Variants in CCDC178 observed in about 807,000 individuals in gnomAD.
CCDC178 encodes coiled-coil domain containing 178.
CCDC178 carries 126 observed loss-of-function variants against 117.4 expected under a neutral mutation model. That is an observed-to-expected ratio of 1.07 (90% CI 0.93 to 1.24). The LOEUF is 1.24. Among genes scored for constraint, CCDC178 ranks in the 50% most tolerant of loss-of-function variants. CCDC178 has a pLI of 0.00. For synonymous variants in CCDC178, 283 were observed against 313.4 expected (o/e 0.90, Z 1.02); for missense variants, 1,030 against 986.9 (o/e 1.04, Z -0.59).
chr18:33,056,097 T>G (rs2056826170), intron 21 of CCDC178, among the ~76,000 whole-genome samples: 1 of 152,176 alleles, frequency 6.6e-6, no homozygotes, highest in Non-Finnish European at 1.5e-5. Flanking sequence ...CCACTGCACC[T>G]GGCCTCAATG....
chr18:33,083,238 G>A (rs2057324726), intron 21 of CCDC178, among the ~76,000 whole-genome samples: 1 of 152,128 alleles, frequency 6.6e-6, no homozygotes, highest in Non-Finnish European at 1.5e-5. Context: ...AAGCAAAAGG[G>A]CAGGATTCAA....
chr18:33,034,711 G>A (rs2056409765), intron 21 of CCDC178, among the ~76,000 whole-genome samples: 1 of 151,938 alleles, frequency 6.6e-6, no homozygotes, highest in Non-Finnish European at 1.5e-5. Flanking sequence ...AATTGTTGCA[G>A]TATGTTTCCA....
chr18:33,215,683 C>T lies in CCDC178; in HGVS notation c.1945G>A (p.Ala649Thr). Residue 649 changes from alanine (A) to threonine (T), a missense_variant, in exon 19 of 23, where the codon GCA becomes ACA. Coordinates refer to ENST00000383096, the MANE Select transcript of CCDC178 (RefSeq NM_001105528.4). ...GTTGCTTCTAGGTCTTTAAAAATTG[C>T]TGAGCGTTTACTCTGAAAAAAAATA... ...ALIETESKRS[A>T]IFKDLEATKS... 6.6e-7 allele frequency: 1 copy of T among 1,523,942 alleles called. No homozygotes were observed. Among genetic ancestry groups the T allele is most frequent in the African/African-American group, 1.5e-5 (1 of 68,928 alleles). The allele number at this position is 1,523,942 out of a possible 1,614,324, so 94.4% of individuals were successfully genotyped here.
chr18:33,107,878 T>C (rs1027725114), intron 20 of CCDC178, among the ~76,000 whole-genome samples: 2 of 151,734 alleles, frequency 1.3e-5, no homozygotes, highest in African/African-American at 2.4e-5. Context: ...TGTGCATGTA[T>C]GGAAAAATGT....
At chr18:32,949,208 A>C (rs1267878967) in intron 22 of CCDC178, among the ~76,000 whole-genome samples, 1 of 152,134 alleles carries the variant, frequency 6.6e-6, no homozygotes, top group Non-Finnish European at 1.5e-5. Context: ...TAATTTCATT[A>C]CGATATGCCT....
chr18:33,134,066 T>A (rs184744968), intron 20 of CCDC178, among the ~76,000 whole-genome samples: 2 of 151,822 alleles, frequency 1.3e-5, no homozygotes, highest in East Asian at 3.9e-4. Flanking sequence ...AAGAAAAAAA[T>A]TTAAAGAACA....
intron 20 of CCDC178, among the ~76,000 whole-genome samples, chr18:33,179,148 A>ATATATATAAAC (rs2058704822): frequency 2.0e-5 from 2 of 98,018 alleles, no homozygotes; most frequent in African/African-American, 1.2e-4. Flanking sequence ...TATATAAACT[A>ATATATATAAAC]TATATATATA....
At chr18:33,222,229 T>C (rs968802060) in intron 18 of CCDC178, among the ~76,000 whole-genome samples, 1 of 150,842 alleles carries the variant, frequency 6.6e-6, no homozygotes, top group Non-Finnish European at 1.5e-5. Context: ...CCTCCCTTCC[T>C]TTCTTCCTTC....
intron 2 of CCDC178, among the ~76,000 whole-genome samples, chr18:33,432,072 C>G (rs2064226935): frequency 1.3e-5 from 2 of 152,160 alleles, no homozygotes; most frequent in African/African-American, 4.8e-5. Context: ...CTGCACTCAG[C>G]TTCTTATGGG....
intron 16 of CCDC178, 113 bp downstream of exon 16, chr18:33,226,680 T>C: frequency 1.6e-6 from 1 of 620,740 alleles, no homozygotes; most frequent in Non-Finnish European, 2.8e-6. Context: ...GAGAGAAAAC[T>C]GCTGGCTTGC....
intron 11 of CCDC178, among the ~76,000 whole-genome samples, chr18:33,322,786 GA>G (rs1297146164): frequency 1.3e-5 from 2 of 151,264 alleles, no homozygotes; most frequent in African/African-American, 4.8e-5. Context: ...AACACCTTAA[GA>G]AATGAATGTT....
At position 33,051,320 on chromosome 18, in the gene CCDC178, T is replaced by G. The variant is rs1307186551; in HGVS notation, c.2388+41441A>C. 5.9e-5 allele frequency among the ~76,000 whole-genome samples: 9 copies of G among 152,186 alleles called. 1 individual carries two copies. The highest frequency in any genetic ancestry group is 1.9e-4 in the African/African-American group (8 of 41,546). On this transcript the variant is annotated intron_variant, in intron 21 of 22. Transcript: ENST00000383096. ...GATAAAAATCATCTCAAGAAAGAGA[T>G]AAAAGAAAACATGCAGGATGGCAAA...
intron 2 of CCDC178, among the ~76,000 whole-genome samples, chr18:33,415,097 T>C (rs1381624860): frequency 6.6e-6 from 1 of 152,186 alleles, no homozygotes; most frequent in African/African-American, 2.4e-5. Context: ...TTTTACACTG[T>C]TGGTGGGACT....
intron 5 of CCDC178, among the ~76,000 whole-genome samples, chr18:33,375,665 G>C (rs2063354834): frequency 6.6e-6 from 1 of 152,208 alleles, no homozygotes; most frequent in Non-Finnish European, 1.5e-5. Context: ...ATCAGACATA[G>C]AGCTGGAAGG....
chr18:33,035,323 C>T (rs777159038), intron 21 of CCDC178, among the ~76,000 whole-genome samples: 1 of 151,604 alleles, frequency 6.6e-6, no homozygotes, highest in African/African-American at 2.4e-5. Flanking sequence ...AATGGTTTGG[C>T]CAAACAGAAG....
chr18:33,321,537 G>T (rs918043132), intron 11 of CCDC178, among the ~76,000 whole-genome samples: 7 of 152,044 alleles, frequency 4.6e-5, no homozygotes, highest in Non-Finnish European at 1.0e-4. Flanking sequence ...ATTTAATTCA[G>T]AAGAAATGTA....
intron 20 of CCDC178, among the ~76,000 whole-genome samples, chr18:33,150,849 C>G (rs2058333034): frequency 6.6e-6 from 1 of 152,154 alleles, no homozygotes; most frequent in Non-Finnish European, 1.5e-5. Flanking sequence ...CAGCACATTT[C>G]ACAATTGTAA....
At chr18:33,082,342 T>C (rs940610218) in intron 21 of CCDC178, among the ~76,000 whole-genome samples, 1 of 152,050 alleles carries the variant, frequency 6.6e-6, no homozygotes, top group Non-Finnish European at 1.5e-5. Context: ...CATGGTGGCA[T>C]TCACCTGTGG....
intron 21 of CCDC178, among the ~76,000 whole-genome samples, chr18:32,984,720 TCA>T (rs929726278): frequency 1.3e-4 from 20 of 152,030 alleles, no homozygotes; most frequent in Non-Finnish European, 2.9e-4. Context: ...AAAATTACCC[TCA>T]CAATAAAAAT....
Sources: allele counts gnomAD v4.1 joint callset (sites outside exome capture counted in the v4.1 genomes callset), GRCh38; gene constraint gnomAD v4.1.1; transcripts MANE v1.5; gene names NCBI Gene and HGNC (gene_info 2026-07-23, HGNC 2026-07-21).